The following KDM4C variants were observed in gnomAD, a reference collection of about 807,000 sequenced individuals.
KDM4C encodes the protein lysine-specific demethylase 4C.
Under a neutral mutation model 129.3 loss-of-function variants are expected in KDM4C, and 81 were observed. The observed-to-expected ratio is 0.63, with a 90% CI of 0.52 to 0.75. KDM4C has a LOEUF of 0.75. Among genes scored for constraint, KDM4C ranks in the 30% least tolerant of loss-of-function variants. The pLI is 0.00. For synonymous variants in KDM4C, 573 were observed against 456.1 expected, an observed-to-expected ratio of 1.26 and a Z score of -3.26; for missense variants, 1,457 against 1,304.0, an observed-to-expected ratio of 1.12 and a Z score of -1.81.
At chr9:6,912,938 G>C (rs545547312) in intron 8 of KDM4C, among the ~76,000 whole-genome samples, 1 of 151,586 alleles carries the variant, frequency 6.6e-6, no homozygotes, top group Non-Finnish European at 1.5e-5. Flanking sequence ...GGAGTTTTTC[G>C]TATGGTACCT....
At chr9:7,163,371 C>A (rs910852372) in intron 19 of KDM4C, among the ~76,000 whole-genome samples, 1 of 152,154 alleles carries the variant, frequency 6.6e-6, no homozygotes, top group South Asian at 2.1e-4. Context: ...CACTGCAGAG[C>A]ACCATGGCAC....
chr9:6,926,707 C>T (rs993148810), intron 8 of KDM4C, among the ~76,000 whole-genome samples: 1 of 152,126 alleles, frequency 6.6e-6, no homozygotes, highest in Non-Finnish European at 1.5e-5. Context: ...TTTAGAGAAA[C>T]GGACATTCAG....
chr9:6,799,107 C>T (rs1211875428), intron 2 of KDM4C, among the ~76,000 whole-genome samples: 2 of 152,004 alleles, frequency 1.3e-5, no homozygotes, highest in Non-Finnish European at 2.9e-5. Context: ...AGGGGCTCCT[C>T]ACGTCCCAGA....
At chr9:6,822,843 A>C (rs143650252) in intron 4 of KDM4C, among the ~76,000 whole-genome samples, 29 of 152,378 alleles carry the variant, frequency 1.9e-4, no homozygotes, top group African/African-American at 6.5e-4. Flanking sequence ...TGAGATGGCC[A>C]GTAGCCATGT....
chr9:6,911,960 A>G (rs1273101067), intron 8 of KDM4C, among the ~76,000 whole-genome samples: 1 of 152,072 alleles, frequency 6.6e-6, no homozygotes, highest in Non-Finnish European at 1.5e-5. Context: ...TTTGCCCAGG[A>G]CTTGGGGCAG....
At chr9:7,056,538 A>T (rs148192787) in intron 17 of KDM4C, among the ~76,000 whole-genome samples, 1 of 152,330 alleles carries the variant, frequency 6.6e-6, no homozygotes, top group East Asian at 1.9e-4. Flanking sequence ...TGAAGGCTGT[A>T]GATGTCTATA....
chr9:6,868,507 C>T (rs1440935155), intron 5 of KDM4C, among the ~76,000 whole-genome samples: 4 of 152,120 alleles, frequency 2.6e-5, no homozygotes, highest in African/African-American at 9.7e-5. Flanking sequence ...TGGCTGCTCA[C>T]GTCCCTGATA....
chr9:6,924,980 G>A (rs1563822579), intron 8 of KDM4C: 1 of 985,172 alleles, frequency 1.0e-6, no homozygotes, highest in Non-Finnish European at 1.2e-6. Context: ...TAGAAGTGTT[G>A]ATGTTTTGTA....
intron 17 of KDM4C, among the ~76,000 whole-genome samples, chr9:7,094,516 G>A (rs149659863): frequency 2.6e-5 from 4 of 152,196 alleles, no homozygotes; most frequent in South Asian, 2.1e-4. Context: ...TCACTGCTGC[G>A]TGATTTTTCT....
At chr9:6,772,303 C>T (rs1822016733) in intron 1 of KDM4C, among the ~76,000 whole-genome samples, 1 of 151,566 alleles carries the variant, frequency 6.6e-6, no homozygotes, top group South Asian at 2.1e-4. Flanking sequence ...GTGCCTGCCA[C>T]CATGCCTGGC....
intron 1 of KDM4C, among the ~76,000 whole-genome samples, chr9:6,773,217 ATC>A (rs1200860103): frequency 6.6e-6 from 1 of 151,640 alleles, no homozygotes; most frequent in Non-Finnish European, 1.5e-5. Context: ...GCCCAGCCTT[ATC>A]TCGAACTCCT....
intron 1 of KDM4C, among the ~76,000 whole-genome samples, chr9:6,762,281 A>T (rs953044825): frequency 6.9e-6 from 1 of 144,826 alleles, no homozygotes; most frequent in African/African-American, 2.6e-5. Context: ...CTGGTGTGTG[A>T]TGTTCCCCTC....
chr9:7,155,853 T>C (rs1034405504), intron 19 of KDM4C, among the ~76,000 whole-genome samples: 7 of 152,246 alleles, frequency 4.6e-5, no homozygotes, highest in Admixed American at 4.6e-4. Flanking sequence ...GCATGATTTA[T>C]AATCCTTTGG....
intron 1 of KDM4C, among the ~76,000 whole-genome samples, chr9:6,741,327 G>A (rs985519674): frequency 3.3e-5 from 5 of 151,974 alleles, no homozygotes; most frequent in African/African-American, 1.2e-4. Flanking sequence ...CTAGGGAGGC[G>A]GAGGTTGCAG....
At chr9:6,731,325 C>CTTTTT (rs34724329) in intron 1 of KDM4C, among the ~76,000 whole-genome samples, 19 of 114,030 alleles carry the variant, frequency 1.7e-4, no homozygotes, top group East Asian at 2.4e-4. Flanking sequence ...TTTTTTTTTG[C>CTTTTT]TTTTTTTTTT....
intron 15 of KDM4C, among the ~76,000 whole-genome samples, chr9:7,033,863 C>G (rs981692540): frequency 6.6e-6 from 1 of 152,132 alleles, no homozygotes; most frequent in African/African-American, 2.4e-5. Context: ...CCAGGCTGTG[C>G]TTGCCTGGAG....
intron 6 of KDM4C, among the ~76,000 whole-genome samples, chr9:6,882,394 G>A (rs1254161932): frequency 6.6e-6 from 1 of 152,098 alleles, no homozygotes; most frequent in African/African-American, 2.4e-5. Flanking sequence ...AGATAATATT[G>A]CTGTTATATT....
chr9:6,891,529 A>C (rs563239151), intron 7 of KDM4C, among the ~76,000 whole-genome samples: 1 of 152,300 alleles, frequency 6.6e-6, no homozygotes, highest in South Asian at 2.1e-4. Context: ...TGGGGATGAC[A>C]GCTAAAGGGT....
At chr9:6,898,504 T>C (rs1464259282) in intron 8 of KDM4C, among the ~76,000 whole-genome samples, 2 of 152,238 alleles carry the variant, frequency 1.3e-5, no homozygotes, top group Non-Finnish European at 2.9e-5. Context: ...TAACATGATA[T>C]GTCAGAAAGT....
Sources: allele counts gnomAD v4.1 joint callset (sites outside exome capture counted in the v4.1 genomes callset), GRCh38; gene constraint gnomAD v4.1.1; transcripts MANE v1.5; gene names NCBI Gene and HGNC (gene_info 2026-07-23, HGNC 2026-07-21).